Variants in SLC7A7 observed in about 807,000 individuals in gnomAD.
The protein encoded by SLC7A7 is solute carrier family 7 member 7.
SLC7A7 carries 39 observed loss-of-function variants against 47.9 expected under a neutral mutation model. The ratio of observed to expected loss-of-function variants is 0.81; its 90% CI spans 0.63 to 1.06. The LOEUF (loss-of-function observed/expected upper bound fraction) is 1.06, where lower values mean the gene tolerates loss of function less well. SLC7A7 is among the 50% of genes least tolerant of loss of function. The probability of loss-of-function intolerance (pLI) is 0.00; values close to 1 mark genes in which losing one functional copy is unlikely to be tolerated. For missense variants in SLC7A7, 588 were observed against 632.0 expected (o/e 0.93, Z 0.75); for synonymous variants, 234 against 242.8 (o/e 0.96, Z 0.34).
At chr14:22,804,738 A>G (rs2039172121) in intron 2 of SLC7A7, among the ~76,000 whole-genome samples, 1 of 152,178 alleles carries the variant, frequency 6.6e-6, no homozygotes, top group Admixed American at 6.5e-5. Flanking sequence ...CACATCTGTA[A>G]TCCCAGCACT....
chr14:22,801,731 C>T (rs150163913), intron 2 of SLC7A7, among the ~76,000 whole-genome samples: 59 of 152,154 alleles, frequency 3.9e-4, no homozygotes, highest in African/African-American at 1.4e-3. Flanking sequence ...GCTGAGATTG[C>T]GCCACTGCAC....
intron 2 of SLC7A7, among the ~76,000 whole-genome samples, chr14:22,808,497 G>A (rs555068363): frequency 5.9e-5 from 9 of 152,298 alleles, no homozygotes; most frequent in African/African-American, 1.9e-4. Flanking sequence ...TCTGACTTGT[G>A]TCAGGTGCTT....
intron 2 of SLC7A7, among the ~76,000 whole-genome samples, chr14:22,798,015 G>T (rs1169360012): frequency 6.6e-6 from 1 of 152,146 alleles, no homozygotes; most frequent in Non-Finnish European, 1.5e-5. Context: ...AGAACTGAGG[G>T]CTGGGCACGG....
At chr14:22,812,794 T>TATATATATATA (rs1372388510) in intron 2 of SLC7A7, 106 bp downstream of exon 2, 62 of 834,226 alleles carry the variant, frequency 7.4e-5, no homozygotes, top group African/African-American at 2.7e-4. Flanking sequence ...TATATATATG[T>TATATATATATA]TGTCAGAGAC....
chr14:22,804,423 C>G (rs559993951), intron 2 of SLC7A7, among the ~76,000 whole-genome samples: 74 of 152,216 alleles, frequency 4.9e-4, no homozygotes, highest in African/African-American at 1.7e-3. Context: ...AGGGAAGAGA[C>G]AACCTCTACA....
At chr14:22,798,643 A>G (rs2039058255) in intron 2 of SLC7A7, among the ~76,000 whole-genome samples, 3 of 152,024 alleles carry the variant, frequency 2.0e-5, no homozygotes, top group Admixed American at 2.0e-4. Flanking sequence ...TCCTCTAACA[A>G]TCACCCTCCA....
At position 22,813,211 on chromosome 14, in the gene SLC7A7, A is replaced by G. The variant is rs916075432; in HGVS notation, c.188T>C (p.Leu63Pro). The G allele has an allele frequency of 6.2e-7, 1 of 1,614,148 alleles. No homozygotes were observed. Among genetic ancestry groups the G allele is most frequent in the East Asian group, 2.2e-5 (1 of 44,876 alleles). The change falls in exon 2 of 10, where the codon CTC becomes CCC. Residue 63 changes from leucine to proline, a missense_variant. By Grantham distance (98) the Leu-to-Pro change is moderately conservative (BLOSUM62 -3). Coordinates refer to ENST00000674313, the MANE Select transcript of SLC7A7 (RefSeq NM_003982.4). ...SGIFVSPKGVLIYSASFGLSL... is the reference protein window; with the variant it reads ...SGIFVSPKGVPIYSASFGLSL... ...GAGACCAAAGGAGGCACTGTATATGAGCACACCCTTGGGGGAAACAAAGAT... is the reference window on the plus strand; with the variant it reads ...GAGACCAAAGGAGGCACTGTATATGGGCACACCCTTGGGGGAAACAAAGAT...
chr14:22,784,154 G>A (rs1050388328), intron 2 of SLC7A7, among the ~76,000 whole-genome samples: 2 of 152,216 alleles, frequency 1.3e-5, no homozygotes, highest in Admixed American at 1.3e-4. Flanking sequence ...GCAACTGCAA[G>A]TTAACCTCAA....
At chr14:22,794,561 C>T (rs1046184050) in intron 2 of SLC7A7, among the ~76,000 whole-genome samples, 10 of 152,096 alleles carry the variant, frequency 6.6e-5, no homozygotes, top group Non-Finnish European at 1.5e-4. Context: ...AGGAATTTGT[C>T]GACCCACAAC....
At position 22,774,364 on chromosome 14, in the gene SLC7A7, C is replaced by T. The variant is rs558692833; in HGVS notation, c.1235G>A (p.Arg412His). The T allele has an allele frequency of 2.7e-5, 44 of 1,614,064 alleles. No homozygotes were observed. Among genetic ancestry groups the T allele is most frequent in the East Asian group, 1.1e-4 (5 of 44,890 alleles). ...YLRWKEPDRPRPLKLSVFFPI... is the reference protein window; with the variant it reads ...YLRWKEPDRPHPLKLSVFFPI... ...ATGGAGTTGCCTTACCTTGAGGGGA[C>T]GAGGTCGATCAGGCTCCTTCCAGCG... Residue 412 changes from arginine (R) to histidine (H), a missense_variant, in exon 8 of 10, where the codon CGT (arginine) becomes CAT (histidine). By Grantham distance (29) the Arg-to-His change is conservative. Coordinates refer to ENST00000674313, the MANE Select transcript of SLC7A7 (RefSeq NM_003982.4).
At chr14:22,790,020 A>G (rs1230922014) in intron 2 of SLC7A7, among the ~76,000 whole-genome samples, 1 of 152,166 alleles carries the variant, frequency 6.6e-6, no homozygotes, top group East Asian at 1.9e-4. Flanking sequence ...GTAACTTGTT[A>G]GAGAAGCAAT....
At chr14:22,810,118 A>C (rs2039281406) in intron 2 of SLC7A7, among the ~76,000 whole-genome samples, 1 of 151,298 alleles carries the variant, frequency 6.6e-6, no homozygotes, top group Admixed American at 6.6e-5. Context: ...GCACAAGGTC[A>C]GAATCGAGGA....
At chr14:22,805,856 T>G (rs1371436647) in intron 2 of SLC7A7, among the ~76,000 whole-genome samples, 1 of 152,096 alleles carries the variant, frequency 6.6e-6, no homozygotes, top group East Asian at 1.9e-4. Context: ...TGTACATACA[T>G]CAAAGGCCGA....
At chr14:22,810,039 CAAA>C (rs34386018) in intron 2 of SLC7A7, among the ~76,000 whole-genome samples, 3,801 of 60,294 alleles carry the variant, frequency 0.063, 27 homozygotes, top group African/African-American at 0.099. Context: ...AACACTGTCT[CAAA>C]AAAAAAAAAA....
chr14:22,811,739 C>A (rs2138657228), intron 2 of SLC7A7, among the ~76,000 whole-genome samples: 1 of 151,226 alleles, frequency 6.6e-6, no homozygotes, highest in South Asian at 2.1e-4. Context: ...GTAATCCCAG[C>A]TACTAGGGAG....
intron 2 of SLC7A7, among the ~76,000 whole-genome samples, chr14:22,790,783 A>G (rs1465304208): frequency 6.6e-6 from 1 of 152,208 alleles, no homozygotes; most frequent in East Asian, 1.9e-4. Context: ...ACGAATCACG[A>G]GTTCAAGAGA....
intron 4 of SLC7A7, among the ~76,000 whole-genome samples, chr14:22,777,281 G>A (rs2038632173): frequency 6.6e-6 from 1 of 151,838 alleles, no homozygotes; most frequent in Non-Finnish European, 1.5e-5. Flanking sequence ...CCATCTCTAA[G>A]ATTATCAACA....
intron 4 of SLC7A7, among the ~76,000 whole-genome samples, chr14:22,777,055 A>T (rs759473409): frequency 6.7e-6 from 1 of 148,344 alleles, no homozygotes; most frequent in Non-Finnish European, 1.5e-5. Flanking sequence ...AGGTGGGAGG[A>T]TCACTTGAGC....
intron 2 of SLC7A7, among the ~76,000 whole-genome samples, chr14:22,802,910 A>AT (rs1208536533): frequency 6.7e-6 from 1 of 148,232 alleles, no homozygotes; most frequent in African/African-American, 2.5e-5. Context: ...CACCCCATAC[A>AT]TTTTTTTCAT....
Sources: gnomAD v4.1 joint callset for allele counts (sites outside exome capture counted in the v4.1 genomes callset) on GRCh38, gnomAD v4.1.1 for gene constraint, MANE v1.5 for transcripts, NCBI Gene and HGNC (gene_info 2026-07-23, HGNC 2026-07-21) for gene names.